The following TMEM63C variants were observed in gnomAD, a reference collection of about 807,000 sequenced individuals.
The protein encoded by TMEM63C is osmosensitive cation channel TMEM63C.
In TMEM63C, 32 loss-of-function variants were observed where a neutral mutation model predicts 99.2. The observed-to-expected ratio is 0.32, with a 90% CI of 0.24 to 0.43. The LOEUF (loss-of-function observed/expected upper bound fraction) is 0.43, where lower values mean the gene tolerates loss of function less well. TMEM63C is among the 20% of genes least tolerant of loss of function. The probability of loss-of-function intolerance (pLI) is 1.00; values close to 1 mark genes in which losing one functional copy is unlikely to be tolerated. For missense variants in TMEM63C, 826 were observed against 1,053.0 expected (o/e 0.78, Z 2.98); for synonymous variants, 376 against 397.9 (o/e 0.94, Z 0.66).
chr14:77,210,949 G>A (rs1339560757), intron 1 of TMEM63C, among the ~76,000 whole-genome samples: 1 of 152,312 alleles, frequency 6.6e-6, no homozygotes, highest in Non-Finnish European at 1.5e-5. Context: ...TGTGGCTATA[G>A]TGATTCTCTA....
chr14:77,218,296 T>C (rs970774834), intron 2 of TMEM63C, among the ~76,000 whole-genome samples: 2 of 151,730 alleles, frequency 1.3e-5, no homozygotes, highest in South Asian at 4.2e-4. Flanking sequence ...CCCTAGGAGC[T>C]ATGGCCCTTA....
intron 22 of TMEM63C, among the ~76,000 whole-genome samples, chr14:77,252,267 G>A (rs1005234187): frequency 4.6e-5 from 7 of 151,982 alleles, no homozygotes; most frequent in African/African-American, 4.8e-5. Context: ...AGGAGGTTGC[G>A]GGGGGAGTTG....
intron 23 of TMEM63C, among the ~76,000 whole-genome samples, chr14:77,256,244 C>G (rs1889459208): frequency 6.6e-6 from 1 of 152,180 alleles, no homozygotes; most frequent in Admixed American, 6.5e-5. Flanking sequence ...TGCAGCTTGA[C>G]TTGGAACTGA....
rs560445724 is a variant in TMEM63C at position 77,211,849 on chromosome 14, G to A, written c.-76-1597G>A. ...ATCAGATAAGATATGCAGCTAGGAGGGGCCCTGAAACCCTGACTCACCAAC... is the reference window on the plus strand; with the variant it reads ...ATCAGATAAGATATGCAGCTAGGAGAGGCCCTGAAACCCTGACTCACCAAC... On this transcript the variant is annotated intron_variant, in intron 1 of 23. Transcript: ENST00000298351. Among the ~76,000 whole-genome samples, 96 of 152,310 alleles carry A rather than the reference G, an allele frequency of 6.3e-4. No homozygotes were observed. The Middle Eastern group carries it at 0.017, about 27-fold the overall frequency.
At chr14:77,194,553 C>CTTTCTTTCTTTTTCTTTCTT (rs56115104) in intron 1 of TMEM63C, among the ~76,000 whole-genome samples, 3 of 125,142 alleles carry the variant, frequency 2.4e-5, no homozygotes, top group Non-Finnish European at 4.9e-5. Flanking sequence ...TTCTTTCTTT[C>CTTTCTTTCTTTTTCTTTCTT]TCTTTCTTTC....
intron 18 of TMEM63C, among the ~76,000 whole-genome samples, chr14:77,247,489 C>T (rs1453109125): frequency 6.6e-6 from 1 of 152,094 alleles, no homozygotes; most frequent in Non-Finnish European, 1.5e-5. Context: ...GCTTGAGCCA[C>T]CACACCCAAC....
At chr14:77,248,894 C>G in intron 20 of TMEM63C, 22 bp downstream of exon 20, 2 of 1,590,704 alleles carry the variant, frequency 1.3e-6, no homozygotes, top group Non-Finnish European at 1.7e-6. Context: ...CCAAGGCATG[C>G]CCAAGGGCTG....
rs1888311193 is a variant in TMEM63C at position 77,202,245 on chromosome 14, C to T, written c.-76-11201C>T. ...CTAAAACCCAAACTATAATCACAAACACATTCCTAAGCACAACCAAATACC... is the reference window on the plus strand; with the variant it reads ...CTAAAACCCAAACTATAATCACAAATACATTCCTAAGCACAACCAAATACC... On this transcript the variant is annotated intron_variant, in intron 1 of 23. Coordinates refer to ENST00000298351, the MANE Select transcript of TMEM63C (RefSeq NM_020431.4). Among the ~76,000 whole-genome samples, 4 of 147,368 alleles carry T rather than the reference C, an allele frequency of 2.7e-5. No individual in the cohort carries two copies. In the South Asian group the frequency reaches 6.3e-4, roughly 23 times the overall value.
chr14:77,198,616 C>T (rs1888247643), intron 1 of TMEM63C, among the ~76,000 whole-genome samples: 1 of 152,212 alleles, frequency 6.6e-6, no homozygotes, highest in Non-Finnish European at 1.5e-5. Flanking sequence ...GGAGCTGTTT[C>T]AGTCCTGCAA....
Position 77,242,461 on chromosome 14 carries a change from C to T in TMEM63C, c.1179C>T (p.Asp393=), listed in dbSNP as rs61731611. 357,042 of 1,612,790 alleles carry T rather than the reference C, an allele frequency of 0.22. 42,243 individuals carry two copies. Among genetic ancestry groups the T allele is most frequent in the Middle Eastern group, 0.28 (1,671 of 6,060 alleles). The change falls in exon 14 of 24, where the codon GAC becomes GAT. Residue 393 remains aspartate (D), a synonymous_variant. Coordinates refer to ENST00000298351, the MANE Select transcript of TMEM63C (RefSeq NM_020431.4). ...TCACTATGGCCCCACACCCCAAAGA[C>T]ATTATTTGGTAAGCCTCCTCCATCC... The part of the protein sequence containing the change: ...WRVTMAPHPK[D]IIWKHLSVRR...
chr14:77,199,878 G>A (rs990183665), intron 1 of TMEM63C, among the ~76,000 whole-genome samples: 13 of 152,220 alleles, frequency 8.5e-5, no homozygotes, highest in African/African-American at 3.1e-4. Context: ...AGGCAGAAGT[G>A]GAGGCGGGCA....
intron 1 of TMEM63C, among the ~76,000 whole-genome samples, chr14:77,212,810 G>A (rs1888514412): frequency 6.6e-6 from 1 of 152,158 alleles, no homozygotes; most frequent in Non-Finnish European, 1.5e-5. Flanking sequence ...CTGAAAGCCT[G>A]CACCTGACCA....
At chr14:77,250,513 C>A (rs974826802) in intron 21 of TMEM63C, among the ~76,000 whole-genome samples, 5 of 151,860 alleles carry the variant, frequency 3.3e-5, no homozygotes, top group Non-Finnish European at 7.4e-5. Flanking sequence ...GATCTCGACC[C>A]ACTGCAACCT....
At chr14:77,231,994 A>G (rs376645) in intron 7 of TMEM63C, among the ~76,000 whole-genome samples, 9,566 of 152,252 alleles carry the variant, frequency 0.063, 407 homozygotes, top group Admixed American at 0.1. Flanking sequence ...GTGTTCATTC[A>G]TGGCCCCACT....
chr14:77,202,156 G>A (rs75338896), intron 1 of TMEM63C, among the ~76,000 whole-genome samples: 5,424 of 152,280 alleles, frequency 0.036, 171 homozygotes, highest in African/African-American at 0.085. Flanking sequence ...ACACACAAGT[G>A]TATACAACTC....
intron 12 of TMEM63C, 137 bp from the exon 13 acceptor site, chr14:77,240,338 C>T (rs1160712776): frequency 3.5e-5 from 35 of 1,007,748 alleles, no homozygotes; most frequent in African/African-American, 1.3e-4. Context: ...ACTTTGGAGG[C>T]CAGCCAGGGT....
chr14:77,250,098 G>A (rs1220884638), intron 21 of TMEM63C, among the ~76,000 whole-genome samples: 5 of 152,230 alleles, frequency 3.3e-5, no homozygotes, highest in Admixed American at 2.6e-4. Flanking sequence ...GCCTCCCAAA[G>A]TGCTGGGATT....
intron 6 of TMEM63C, among the ~76,000 whole-genome samples, 187 bp downstream of exon 6, chr14:77,225,648 G>A (rs1241624808): frequency 2.0e-5 from 3 of 152,164 alleles, no homozygotes; most frequent in Non-Finnish European, 4.4e-5. Flanking sequence ...TGAGAACTGG[G>A]CACAGCCCAC....
At chr14:77,197,980 C>T (rs1265668486) in intron 1 of TMEM63C, among the ~76,000 whole-genome samples, 1 of 152,210 alleles carries the variant, frequency 6.6e-6, no homozygotes, top group Admixed American at 6.5e-5. Flanking sequence ...ATCTGGGGCC[C>T]TGCATCCGCA....
Sources: allele counts gnomAD v4.1 joint callset (sites outside exome capture counted in the v4.1 genomes callset), GRCh38; gene constraint gnomAD v4.1.1; transcripts MANE v1.5; gene names NCBI Gene and HGNC (gene_info 2026-07-23, HGNC 2026-07-21).